Variants in ZNF804B observed in about 807,000 individuals in gnomAD.
ZNF804B encodes zinc finger 804B.
In ZNF804B, 80 loss-of-function variants were observed where a neutral mutation model predicts 101.4. The ratio of observed to expected loss-of-function variants is 0.79; its 90% CI spans 0.66 to 0.95. ZNF804B has a LOEUF of 0.95. ZNF804B is among the 40% of genes least tolerant of loss of function. ZNF804B has a pLI of 0.00. For synonymous variants in ZNF804B, 622 were observed against 558.8 expected, an observed-to-expected ratio of 1.11 and a Z score of -1.59; for missense variants, 1,673 against 1,561.9, an observed-to-expected ratio of 1.07 and a Z score of -1.20.
At chr7:88,803,841 A>G (rs572515717) in intron 1 of ZNF804B, among the ~76,000 whole-genome samples, 1 of 152,198 alleles carries the variant, frequency 6.6e-6, no homozygotes, top group East Asian at 1.9e-4. Flanking sequence ...ATGGGAAACA[A>G]TGAAGTCATG....
At chr7:89,232,858 T>C (rs1318363123) in intron 2 of ZNF804B, among the ~76,000 whole-genome samples, 1 of 152,110 alleles carries the variant, frequency 6.6e-6, no homozygotes, top group African/African-American at 2.4e-5. Context: ...TTGCCATTGA[T>C]TTCTGATTTC....
chr7:89,324,926 AT>A (rs1322300175), intron 2 of ZNF804B, among the ~76,000 whole-genome samples: 1 of 151,600 alleles, frequency 6.6e-6, no homozygotes, highest in South Asian at 2.1e-4. Flanking sequence ...TGCTTTTATG[AT>A]TTTTTTAAAG....
chr7:89,096,165 A>G (rs1583983713), intron 1 of ZNF804B, among the ~76,000 whole-genome samples: 1 of 152,074 alleles, frequency 6.6e-6, no homozygotes, highest in South Asian at 2.1e-4. Context: ...AAAAAAAAAA[A>G]AAAAAAGAAA....
At chr7:89,147,694 G>A (rs1014002541) in intron 1 of ZNF804B, among the ~76,000 whole-genome samples, 1 of 151,904 alleles carries the variant, frequency 6.6e-6, no homozygotes, top group Non-Finnish European at 1.5e-5. Context: ...ATTACCACCT[G>A]AGCTCTGCCA....
chr7:89,004,518 T>G (rs965570602), intron 1 of ZNF804B, among the ~76,000 whole-genome samples: 1 of 151,832 alleles, frequency 6.6e-6, no homozygotes, highest in Admixed American at 6.6e-5. Context: ...TGTTGTATTA[T>G]GTTAGGCTAT....
At chr7:89,054,764 C>T (rs796319230) in intron 1 of ZNF804B, among the ~76,000 whole-genome samples, 20 of 151,944 alleles carry the variant, frequency 1.3e-4, no homozygotes, top group African/African-American at 4.3e-4. Context: ...AGGTGGTTTA[C>T]AAAAGGTGGA....
chr7:89,008,460 GAA>G (rs1477399741), intron 1 of ZNF804B, among the ~76,000 whole-genome samples: 1 of 152,148 alleles, frequency 6.6e-6, no homozygotes, highest in Non-Finnish European at 1.5e-5. Context: ...TCAATTCTGA[GAA>G]AGACAAAGAG....
intron 1 of ZNF804B, among the ~76,000 whole-genome samples, chr7:88,880,000 C>G (rs1583994362): frequency 6.6e-6 from 1 of 151,652 alleles, no homozygotes; most frequent in Admixed American, 6.6e-5. Flanking sequence ...GATCGTGCCA[C>G]TGCACTCTAG....
chr7:89,227,731 G>A (rs1044693468), intron 2 of ZNF804B, among the ~76,000 whole-genome samples: 3 of 152,048 alleles, frequency 2.0e-5, no homozygotes, highest in African/African-American at 7.2e-5. Context: ...TCCACACAGA[G>A]GGAATGCCAA....
chr7:88,869,551 T>C (rs1791784262), intron 1 of ZNF804B, among the ~76,000 whole-genome samples: 1 of 152,206 alleles, frequency 6.6e-6, no homozygotes, highest in African/African-American at 2.4e-5. Flanking sequence ...CAGCAATATT[T>C]ATTATTTTAT....
intron 1 of ZNF804B, among the ~76,000 whole-genome samples, chr7:88,990,997 A>G (rs1248019906): frequency 6.6e-6 from 1 of 152,114 alleles, no homozygotes; most frequent in Non-Finnish European, 1.5e-5. Context: ...GAAAATCACA[A>G]AGTTATTTTG....
chr7:89,309,759 CAAAAAAAAAAAAAAAA>C (rs397791531), intron 2 of ZNF804B, among the ~76,000 whole-genome samples: 22 of 70,790 alleles, frequency 3.1e-4, no homozygotes, highest in South Asian at 6.7e-4. Context: ...GACCCTGTCT[CAAAAAAAAAAAAAAAA>C]AAAAAAAAAA....
rs1226715711 is a variant in ZNF804B, at chr7:88,827,157, A to G, written c.108+67073A>G. Among the ~76,000 whole-genome samples, 3 of 152,092 alleles carry G rather than the reference A, an allele frequency of 2.0e-5. No individual in the cohort carries two copies. The East Asian group carries it at 5.8e-4, about 29-fold the overall frequency. ...TTAAACAAAGTTAAATCATATTTTA[A>G]TTATAGAACTTTTAGAAGCCTTAAT... On this transcript the variant is annotated intron_variant, in intron 1 of 3. Coordinates refer to ENST00000333190, the MANE Select transcript of ZNF804B (RefSeq NM_181646.5).
At chr7:89,089,972 T>C (rs967832259) in intron 1 of ZNF804B, among the ~76,000 whole-genome samples, 9 of 152,042 alleles carry the variant, frequency 5.9e-5, no homozygotes, top group Non-Finnish European at 1.2e-4. Flanking sequence ...GCCTAAGATT[T>C]TTTCTCAAAT....
At chr7:88,839,987 A>C (rs1791271848) in intron 1 of ZNF804B, among the ~76,000 whole-genome samples, 1 of 152,134 alleles carries the variant, frequency 6.6e-6, no homozygotes, top group African/African-American at 2.4e-5. Flanking sequence ...TTTGCAAAGA[A>C]GCTGTTCTCC....
At chr7:89,144,279 A>T (rs1790758114) in intron 1 of ZNF804B, among the ~76,000 whole-genome samples, 2 of 152,080 alleles carry the variant, frequency 1.3e-5, no homozygotes, top group African/African-American at 4.8e-5. Context: ...AAAGTCATAC[A>T]AATAGTCGTA....
At chr7:89,061,795 G>A (rs992300186) in intron 1 of ZNF804B, among the ~76,000 whole-genome samples, 1 of 151,970 alleles carries the variant, frequency 6.6e-6, no homozygotes, top group African/African-American at 2.4e-5. Context: ...ATATCTTACT[G>A]TCTATTGCAC....
At chr7:89,015,773 T>G (rs1310840395) in intron 1 of ZNF804B, among the ~76,000 whole-genome samples, 1 of 152,200 alleles carries the variant, frequency 6.6e-6, no homozygotes, top group Non-Finnish European at 1.5e-5. Context: ...TCTTTGCTAT[T>G]GTGAATAGTG....
chr7:88,772,029 T>C (rs1790073526), intron 1 of ZNF804B, among the ~76,000 whole-genome samples: 1 of 152,132 alleles, frequency 6.6e-6, no homozygotes, highest in Admixed American at 6.6e-5. Flanking sequence ...TTTTTGTCAC[T>C]ATGGAAGCAG....
Sources: gnomAD v4.1 joint callset for allele counts (sites outside exome capture counted in the v4.1 genomes callset) on GRCh38, gnomAD v4.1.1 for gene constraint, MANE v1.5 for transcripts, NCBI Gene and HGNC (gene_info 2026-07-23, HGNC 2026-07-21) for gene names.